Variants in MYO3B observed in about 807,000 individuals in gnomAD.
MYO3B encodes the protein myosin-IIIb.
A neutral mutation model predicts 174.6 loss-of-function variants in MYO3B; 156 were observed. The ratio of observed to expected loss-of-function variants is 0.89; its 90% CI spans 0.78 to 1.02. The LOEUF (loss-of-function observed/expected upper bound fraction) is 1.02, where lower values mean the gene tolerates loss of function less well. Among genes scored for constraint, MYO3B ranks in the 50% least tolerant of loss-of-function variants. MYO3B has a pLI of 0.00. For synonymous variants in MYO3B, 563 were observed against 569.1 expected (o/e 0.99, Z 0.15); for missense variants, 1,632 against 1,639.4 (o/e 1.00, Z 0.08).
intron 23 of MYO3B, among the ~76,000 whole-genome samples, chr2:170,462,662 A>G (rs1684365937): frequency 6.6e-6 from 1 of 152,268 alleles, no homozygotes; most frequent in Non-Finnish European, 1.5e-5. Context: ...CGGCAAGGCC[A>G]GTGCTAAATG....
chr2:170,482,470 C>T (rs935068287), intron 25 of MYO3B, among the ~76,000 whole-genome samples: 6 of 152,280 alleles, frequency 3.9e-5, no homozygotes, highest in Middle Eastern at 3.4e-3. Context: ...TCTCTCTTTG[C>T]CTGCCGCCAT....
intron 32 of MYO3B, among the ~76,000 whole-genome samples, chr2:170,649,701 C>A (rs547109936): frequency 1.3e-5 from 2 of 150,442 alleles, no homozygotes; most frequent in South Asian, 4.2e-4. Flanking sequence ...GTGGTGCACA[C>A]CTGTAATCCC....
intron 32 of MYO3B, among the ~76,000 whole-genome samples, chr2:170,614,064 C>T (rs1695294120): frequency 6.6e-6 from 1 of 152,130 alleles, no homozygotes; most frequent in Admixed American, 6.5e-5. Flanking sequence ...AAGATTTCAT[C>T]CCTCTCTTCA....
chr2:170,399,604 C>G (rs1287525387), intron 16 of MYO3B, among the ~76,000 whole-genome samples: 1 of 151,966 alleles, frequency 6.6e-6, no homozygotes, highest in Non-Finnish European at 1.5e-5. Context: ...TATATTCCAT[C>G]ATTTAACTTT....
In MYO3B at chr2:170,368,442, A is replaced by G. The variant is rs757995168; in HGVS notation, c.816-780A>G. 2.9e-4 allele frequency among the ~76,000 whole-genome samples: 44 copies of G among 152,358 alleles called. 1 individual carries two copies. The highest frequency in any genetic ancestry group is 6.8e-3 in the Middle Eastern group (2 of 294). On this transcript the variant is annotated intron_variant, in intron 8 of 34. Transcript: ENST00000408978. ...TTTCACTAGAAATTTCCCTGTATCCAAATCATCTTGAATAACACAGAAGGT... is the reference window on the plus strand; with the variant it reads ...TTTCACTAGAAATTTCCCTGTATCCGAATCATCTTGAATAACACAGAAGGT...
chr2:170,405,492 T>A, intron 20 of MYO3B, 53 bp from the exon 21 acceptor site: 1 of 1,578,710 alleles, frequency 6.3e-7, no homozygotes, highest in Non-Finnish European at 8.7e-7. Context: ...AAGTTTTTGT[T>A]TGAAAGAGGA....
chr2:170,569,861 GAA>G (rs34549360), intron 32 of MYO3B, among the ~76,000 whole-genome samples: 80 of 91,458 alleles, frequency 8.7e-4, no homozygotes, highest in African/African-American at 2.1e-3. Context: ...GCTCTATCTC[GAA>G]AAAAAAAAAA....
At chr2:170,414,510 G>A (rs542766111) in intron 22 of MYO3B, among the ~76,000 whole-genome samples, 3 of 152,142 alleles carry the variant, frequency 2.0e-5, no homozygotes, top group Admixed American at 6.5e-5. Flanking sequence ...AAATCAGGTA[G>A]TATGATTCCT....
At chr2:170,503,765 G>C (rs1687437657) in intron 28 of MYO3B, among the ~76,000 whole-genome samples, 3 of 152,212 alleles carry the variant, frequency 2.0e-5, no homozygotes, top group African/African-American at 7.2e-5. Flanking sequence ...CAGGGGCTTA[G>C]ATGGGCATGA....
At chr2:170,517,531 G>A (rs1373757753) in intron 29 of MYO3B, among the ~76,000 whole-genome samples, 2 of 151,866 alleles carry the variant, frequency 1.3e-5, no homozygotes, top group African/African-American at 4.8e-5. Flanking sequence ...TTTTAACTGA[G>A]GATCTCAAAA....
At chr2:170,644,730 T>A (rs1468751673) in intron 32 of MYO3B, 1 of 152,232 alleles carries the variant, frequency 6.6e-6, no homozygotes, top group Non-Finnish European at 1.5e-5. Context: ...AATTCAGCTA[T>A]TTGTCTCTCA....
intron 32 of MYO3B, among the ~76,000 whole-genome samples, chr2:170,578,155 G>C (rs1297150107): frequency 6.6e-6 from 1 of 152,192 alleles, no homozygotes; most frequent in Non-Finnish European, 1.5e-5. Flanking sequence ...GAGGTAGAAG[G>C]GGCATATGCT....
At chr2:170,565,902 T>C (rs1692045590) in intron 32 of MYO3B, among the ~76,000 whole-genome samples, 1 of 152,192 alleles carries the variant, frequency 6.6e-6, no homozygotes, top group South Asian at 2.1e-4. Context: ...TTGCATAGTC[T>C]ATGGAGATGG....
chr2:170,638,665 T>A (rs942551757), intron 32 of MYO3B, among the ~76,000 whole-genome samples: 4 of 152,166 alleles, frequency 2.6e-5, no homozygotes, highest in Non-Finnish European at 5.9e-5. Context: ...CAGATCCCCA[T>A]CAGGCATGTC....
intron 13 of MYO3B, among the ~76,000 whole-genome samples, chr2:170,386,502 A>G (rs1280954324): frequency 6.6e-6 from 1 of 152,184 alleles, no homozygotes; most frequent in African/African-American, 2.4e-5. Flanking sequence ...ATTATCGGCA[A>G]TTAATTTTCA....
At chr2:170,611,371 G>T (rs1695119342) in intron 32 of MYO3B, among the ~76,000 whole-genome samples, 1 of 152,118 alleles carries the variant, frequency 6.6e-6, no homozygotes, top group Non-Finnish European at 1.5e-5. Context: ...TAAAGGGCAA[G>T]GGCCAGAGTC....
chr2:170,422,176 G>A (rs1406689437), intron 22 of MYO3B, among the ~76,000 whole-genome samples: 1 of 152,174 alleles, frequency 6.6e-6, no homozygotes, highest in East Asian at 1.9e-4. Context: ...TAGACCAGAT[G>A]TTCAGTCTTG....
chr2:170,211,389 T>C (rs2092768607), intron 3 of MYO3B, among the ~76,000 whole-genome samples: 1 of 152,254 alleles, frequency 6.6e-6, no homozygotes, highest in South Asian at 2.1e-4. Context: ...AACTCCCTTA[T>C]TACCCGATTT....
intron 7 of MYO3B, among the ~76,000 whole-genome samples, chr2:170,272,222 A>G (rs1053229834): frequency 6.6e-6 from 1 of 152,088 alleles, no homozygotes; most frequent in Admixed American, 6.5e-5. Context: ...AGACTGACTG[A>G]ATCAGAAACT....
Sources: gnomAD v4.1 joint callset for allele counts (sites outside exome capture counted in the v4.1 genomes callset) on GRCh38, gnomAD v4.1.1 for gene constraint, MANE v1.5 for transcripts, NCBI Gene and HGNC (gene_info 2026-07-23, HGNC 2026-07-21) for gene names.